ADGRL3: variants seen among roughly 807,000 people sequenced by gnomAD.
The protein encoded by ADGRL3 is adhesion G protein-coupled receptor L3.
Under a neutral mutation model 153.5 loss-of-function variants are expected in ADGRL3, and 62 were observed. That is an observed-to-expected ratio of 0.40 (90% CI 0.33 to 0.50). ADGRL3 has a LOEUF of 0.50. ADGRL3 is among the 20% of genes least tolerant of loss of function. The probability of loss-of-function intolerance (pLI) is 0.47; values close to 1 mark genes in which losing one functional copy is unlikely to be tolerated. For missense variants in ADGRL3, 1,641 were observed against 1,859.4 expected, an observed-to-expected ratio of 0.88 and a Z score of 2.16; for synonymous variants, 710 against 672.5, an observed-to-expected ratio of 1.06 and a Z score of -0.86.
intron 2 of ADGRL3, among the ~76,000 whole-genome samples, chr4:61,493,980 G>A (rs2098284291): frequency 1.3e-5 from 2 of 151,958 alleles, no homozygotes; most frequent in Admixed American, 1.3e-4. Context: ...ATTACATTAG[G>A]AAATTTGTGT....
rs559001532 is a variant in ADGRL3 at position 61,461,316 on chromosome 4, G to A, written c.-173-35805G>A. Among the ~76,000 whole-genome samples the A allele has an allele frequency of 5.9e-5, 9 of 152,162 alleles. No homozygotes were observed. In the South Asian group the frequency reaches 8.3e-4, roughly 14 times the overall value. ...TTCTAGTGTTTGACAACACAGTGAG[G>A]TGACTTTAATCAGCTTTATAGTATA... On this transcript the variant is annotated intron_variant, in intron 2 of 26. Coordinates refer to ENST00000683033, the MANE Select transcript of ADGRL3 (RefSeq NM_001387552.1).
chr4:61,514,140 T>C (rs2098478671), intron 3 of ADGRL3, among the ~76,000 whole-genome samples: 1 of 152,188 alleles, frequency 6.6e-6, no homozygotes, highest in African/African-American at 2.4e-5. Context: ...AGCCCATGTA[T>C]TCAATTTAGA....
chr4:61,431,090 T>A (rs1262016608), intron 2 of ADGRL3, among the ~76,000 whole-genome samples: 1 of 152,212 alleles, frequency 6.6e-6, no homozygotes, highest in African/African-American at 2.4e-5. Flanking sequence ...TTCCTTTAAT[T>A]TTAAATTTCT....
intron 4 of ADGRL3, among the ~76,000 whole-genome samples, chr4:61,527,251 A>T (rs897629892): frequency 6.6e-6 from 1 of 152,056 alleles, no homozygotes; most frequent in African/African-American, 2.4e-5. Context: ...ATGCTTAAAA[A>T]TTTCATTTCA....
At chr4:61,463,225 T>C (rs2097844368) in intron 2 of ADGRL3, among the ~76,000 whole-genome samples, 1 of 152,176 alleles carries the variant, frequency 6.6e-6, no homozygotes, top group Non-Finnish European at 1.5e-5. Flanking sequence ...TCTATATTCG[T>C]CTGTTCTCAC....
chr4:61,637,768 C>T (rs1008300302), intron 5 of ADGRL3, among the ~76,000 whole-genome samples: 9 of 151,894 alleles, frequency 5.9e-5, no homozygotes, highest in Non-Finnish European at 1.2e-4. Flanking sequence ...TCCCCCACCC[C>T]CCAAAAACGT....
intron 1 of ADGRL3, among the ~76,000 whole-genome samples, chr4:61,371,833 C>A (rs2096533954): frequency 1.3e-5 from 2 of 152,234 alleles, no homozygotes; most frequent in South Asian, 4.1e-4. Flanking sequence ...TGTTTTCCAA[C>A]TTGGTTCCAT....
intron 2 of ADGRL3, among the ~76,000 whole-genome samples, chr4:61,469,160 C>T (rs2097917028): frequency 1.3e-5 from 2 of 152,054 alleles, no homozygotes; most frequent in African/African-American, 4.8e-5. Flanking sequence ...GTATTACCTT[C>T]TAGTTTAAGG....
chr4:61,493,351 CA>C (rs1317045925), intron 2 of ADGRL3, among the ~76,000 whole-genome samples: 1 of 152,070 alleles, frequency 6.6e-6, no homozygotes, highest in Non-Finnish European at 1.5e-5. Flanking sequence ...ATGCCTAAAT[CA>C]AATGTCAAAT....
intron 17 of ADGRL3, among the ~76,000 whole-genome samples, chr4:61,949,483 G>C (rs1047209981): frequency 6.6e-6 from 1 of 151,948 alleles, no homozygotes; most frequent in Admixed American, 6.6e-5. Context: ...GGATCATTCA[G>C]GGTCAGGAGT....
intron 1 of ADGRL3, among the ~76,000 whole-genome samples, chr4:61,248,645 A>G (rs1023611666): frequency 2.1e-4 from 32 of 152,186 alleles, no homozygotes; most frequent in African/African-American, 7.0e-4. Flanking sequence ...TTTGTCTAAA[A>G]TACTCTTTAT....
chr4:61,351,408 A>C (rs1035981958), intron 1 of ADGRL3, among the ~76,000 whole-genome samples: 1 of 152,238 alleles, frequency 6.6e-6, no homozygotes, highest in African/African-American at 2.4e-5. Flanking sequence ...AGCTAAGATC[A>C]TTGATGAAGG....
intron 2 of ADGRL3, among the ~76,000 whole-genome samples, chr4:61,386,888 A>G (rs1276988666): frequency 1.3e-5 from 2 of 152,180 alleles, no homozygotes; most frequent in Admixed American, 6.5e-5. Context: ...TGGTTTATTG[A>G]TATCTATTTT....
chr4:61,661,581 CTT>C, intron 5 of ADGRL3, among the ~76,000 whole-genome samples: 1 of 152,072 alleles, frequency 6.6e-6, no homozygotes, highest in African/African-American at 2.4e-5. Flanking sequence ...ATTTATGAAA[CTT>C]TGTCTCTTTA....
chr4:61,782,469 T>C (rs115310225), intron 8 of ADGRL3, among the ~76,000 whole-genome samples: 2,707 of 152,250 alleles, frequency 0.018, 88 homozygotes, highest in African/African-American at 0.062. Context: ...TAAGTAGTGC[T>C]AAAAATATTA....
intron 5 of ADGRL3, among the ~76,000 whole-genome samples, chr4:61,675,791 T>G (rs1025466152): frequency 1.3e-5 from 2 of 152,074 alleles, no homozygotes; most frequent in Middle Eastern, 3.4e-3. Context: ...CAAGCATTTA[T>G]CCTTTGTGCT....
Position 61,895,754 on chromosome 4 carries a change from G to C in ADGRL3, c.1807G>C (p.Ala603Pro), listed in dbSNP as rs758538914. 1.3e-6 allele frequency: 2 copies of C among 1,598,578 alleles called. No individual in the cohort carries two copies. Among genetic ancestry groups the C allele is most frequent in the Non-Finnish European group, 1.7e-6 (2 of 1,171,242 alleles). The change falls in exon 11 of 27, where the codon GCT (alanine) becomes CCT (proline). Residue 603 changes from alanine to proline, a missense_variant. Physicochemically the swap from Ala to Pro is conservative, Grantham distance 27 (BLOSUM62 -1). Transcript: ENST00000683033. ...TIGVSTYLCLAPDGIWDPQGP... is the reference protein window; with the variant it reads ...TIGVSTYLCLPPDGIWDPQGP... ...AGGTGTATCAACTTATCTATGCCTTGCTCCTGATGGAATTTGGGATCCCCA... is the reference window on the plus strand; with the variant it reads ...AGGTGTATCAACTTATCTATGCCTTCCTCCTGATGGAATTTGGGATCCCCA...
At chr4:61,285,524 A>G (rs908408900) in intron 1 of ADGRL3, among the ~76,000 whole-genome samples, 4 of 151,720 alleles carry the variant, frequency 2.6e-5, no homozygotes, top group Non-Finnish European at 5.9e-5. Flanking sequence ...CCCCACAGAA[A>G]TGGGTTAGTA....
At chr4:61,380,350 T>C (rs756268575) in intron 1 of ADGRL3, among the ~76,000 whole-genome samples, 64 of 152,180 alleles carry the variant, frequency 4.2e-4, no homozygotes, top group Non-Finnish European at 8.4e-4. Context: ...GTGCCTGGCA[T>C]TGAGTAAATA....
Sources: allele counts gnomAD v4.1 joint callset (sites outside exome capture counted in the v4.1 genomes callset), GRCh38; gene constraint gnomAD v4.1.1; transcripts MANE v1.5; gene names NCBI Gene and HGNC (gene_info 2026-07-23, HGNC 2026-07-21).